Variants in LAMA3 observed in about 807,000 individuals in gnomAD.
LAMA3 encodes the protein laminin subunit alpha 3, also known as laminin subunit alpha-3.
LAMA3 carries 281 observed loss-of-function variants against 402.0 expected under a neutral mutation model. The observed-to-expected ratio is 0.70, with a 90% CI of 0.63 to 0.77. The LOEUF (loss-of-function observed/expected upper bound fraction) is 0.77, where lower values mean the gene tolerates loss of function less well. LAMA3 is among the 30% of genes least tolerant of loss of function. LAMA3 has a pLI of 0.00. For missense variants in LAMA3, 3,840 were observed against 4,215.5 expected (o/e 0.91, Z 2.47); for synonymous variants, 1,431 against 1,558.4 (o/e 0.92, Z 1.93).
Position 23,807,163 on chromosome 18 carries a change from A to T in LAMA3, c.1604-3203A>T, listed in dbSNP as rs562764140. On this transcript the variant is annotated intron_variant, in intron 12 of 74. Coordinates refer to ENST00000313654, the MANE Select transcript of LAMA3 (RefSeq NM_198129.4). ...AACCAATTCCAGAAACCCCCAAACC[A>T]ATTCAGAGAATTTATTCTTAAAATT... 8.5e-5 allele frequency among the ~76,000 whole-genome samples: 13 copies of T among 152,246 alleles called. 2 individuals are homozygous for T. The South Asian group carries it at 2.7e-3, about 32-fold the overall frequency.
At chr18:23,848,854 C>T (rs1004346420) in intron 32 of LAMA3, among the ~76,000 whole-genome samples, 4 of 150,090 alleles carry the variant, frequency 2.7e-5, no homozygotes, top group African/African-American at 9.9e-5. Context: ...TGTTCCATGC[C>T]TTTCTCTTCG....
chr18:23,914,565 C>A lies in LAMA3; in HGVS notation c.7481+4C>A, dbSNP rs769366317. ...TGGATCGGGTGAAATTTCAGAGGTA[C>A]AAGTCTGATTGACTGTACCTGTGCT... On this transcript the variant is annotated splice_donor_region_variant and intron_variant, in intron 57 of 74. Coordinates refer to ENST00000313654, the MANE Select transcript of LAMA3 (RefSeq NM_198129.4). 2 of 1,613,916 alleles carry A rather than the reference C, an allele frequency of 1.2e-6. No homozygotes were observed. Among genetic ancestry groups the A allele is most frequent in the Non-Finnish European group, 1.7e-6 (2 of 1,179,890 alleles).
At chr18:23,713,566 A>G (rs922277122) in intron 1 of LAMA3, among the ~76,000 whole-genome samples, 13 of 152,208 alleles carry the variant, frequency 8.5e-5, no homozygotes, top group Admixed American at 8.5e-4. Context: ...TAATGAGTGA[A>G]GTGGATTTGT....
In LAMA3 at chr18:23,894,940, A is replaced by G. The variant is rs768289943; in HGVS notation, c.5495A>G (p.Asp1832Gly). The change falls in exon 44 of 75, where the codon GAC (aspartate) becomes GGC (glycine). Residue 1832 changes from aspartate to glycine, a missense_variant. Transcript: ENST00000313654. ...AGCTGTGTGATGACCCTCCTGAACG[A>G]CCTGGCCACCATGGGCGAGCAGCTC... ...CDSCVMTLLN[D>G]LATMGEQLRL... The G allele has an allele frequency of 2.2e-5, 36 of 1,614,126 alleles. No homozygotes were observed. Among genetic ancestry groups the G allele is most frequent in the South Asian group, 5.5e-5 (5 of 91,068 alleles).
At position 23,839,124 on chromosome 18, in the gene LAMA3, C is replaced by T. The variant is rs139453753; in HGVS notation, c.3191+246C>T. Among the ~76,000 whole-genome samples the T allele has an allele frequency of 1.4e-3, 212 of 152,324 alleles. No individual in the cohort carries two copies. The highest frequency in any genetic ancestry group is 4.6e-3 in the African/African-American group (193 of 41,576). ...AATGGTTAAGCCTACCCCTGGAGGG[C>T]AGGAACGCTGAGTTCTATTCTGAGC... On this transcript the variant is annotated intron_variant, in intron 26 of 74. Coordinates refer to ENST00000313654, the MANE Select transcript of LAMA3 (RefSeq NM_198129.4). The surrounding 1 kb of genome is among the most constrained non-coding windows in gnomAD (Gnocchi z 4.5).
chr18:23,914,706 A>C lies in LAMA3; in HGVS notation c.7490A>C (p.Gln2497Pro). The change falls in exon 58 of 75, where the codon CAG (glutamine) becomes CCG (proline). Residue 2497 changes from glutamine to proline, a missense_variant. By Grantham distance (76) the Gln-to-Pro change is moderately conservative. This residue lies in a region of LAMA3 where 891 missense variants were observed against 857.5 expected (regional missense o/e 1.04). Transcript: ENST00000313654. Reference sequence around the variant, plus strand: ...AAATTCATTTTAAACAGAATTTATCAGTTTGCAAGGCTTAATTACACCAAA... The same window carrying C: ...AAATTCATTTTAAACAGAATTTATCCGTTTGCAAGGCTTAATTACACCAAA... The part of the protein sequence containing the change: ...MDRVKFQRIY[Q>P]FARLNYTKGA... The C allele has an allele frequency of 6.2e-7, 1 of 1,612,694 alleles. No homozygotes were observed. The highest frequency in any genetic ancestry group is 8.5e-7 in the Non-Finnish European group (1 of 1,178,948).
At chr18:23,848,376 C>G (rs1255180783) in intron 32 of LAMA3, among the ~76,000 whole-genome samples, 1 of 152,096 alleles carries the variant, frequency 6.6e-6, no homozygotes, top group Admixed American at 6.5e-5. Flanking sequence ...AATGTGGAGG[C>G]CGGTGTCACA....
chr18:23,835,225 G>A (rs1180813765), intron 24 of LAMA3, among the ~76,000 whole-genome samples: 1 of 152,098 alleles, frequency 6.6e-6, no homozygotes, highest in Non-Finnish European at 1.5e-5. Flanking sequence ...CCACCAGTTC[G>A]GCTCTCCAGC....
chr18:23,808,597 A>G (rs1289646013), intron 12 of LAMA3, among the ~76,000 whole-genome samples: 1 of 152,238 alleles, frequency 6.6e-6, no homozygotes, highest in Non-Finnish European at 1.5e-5. Context: ...CTGGGTCTGC[A>G]AGTACTTGTG....
intron 12 of LAMA3, chr18:23,796,016 A>G (rs948485480): frequency 2.5e-6 from 1 of 406,774 alleles, no homozygotes; most frequent in Non-Finnish European, 4.8e-6. Context: ...TCCCTCTACC[A>G]TGTGAGGACC....
At chr18:23,793,457 CA>C (rs1158160348) in intron 12 of LAMA3, among the ~76,000 whole-genome samples, 4 of 151,820 alleles carry the variant, frequency 2.6e-5, no homozygotes, top group African/African-American at 9.7e-5. Context: ...GAGAGAGTCA[CA>C]AGCAACAGAA....
intron 2 of LAMA3, among the ~76,000 whole-genome samples, chr18:23,729,975 C>T (rs2061363767): frequency 6.6e-6 from 1 of 152,242 alleles, no homozygotes; most frequent in Non-Finnish European, 1.5e-5. Flanking sequence ...AGGATGCTGT[C>T]ATGATGTTGT....
chr18:23,703,648 TA>T (rs957514198), intron 1 of LAMA3, among the ~76,000 whole-genome samples: 69 of 150,878 alleles, frequency 4.6e-4, no homozygotes, highest in Middle Eastern at 3.4e-3. Context: ...TAATAATAAT[TA>T]AAAAAAAAGG....
intron 2 of LAMA3, among the ~76,000 whole-genome samples, chr18:23,744,556 G>A (rs1391723144): frequency 6.6e-6 from 1 of 152,056 alleles, no homozygotes; most frequent in Admixed American, 6.6e-5. Context: ...ATCTGGCCGG[G>A]CACGGTGGCT....
Position 23,795,028 on chromosome 18 carries a change from T to TA in LAMA3, c.1603+10876dup, listed in dbSNP as rs200275126. On this transcript the variant is annotated intron_variant, in intron 12 of 74. Transcript: ENST00000313654. ...TGTGGCCATGTATCTGGAGCAAAGG[T>TA]AAAAACCAAGCAGTTAGGTCCCCAC... 5.9e-3 allele frequency among the ~76,000 whole-genome samples: 895 copies of TA among 152,118 alleles called. 7 individuals carry two copies. The highest frequency in any genetic ancestry group is 0.02 in the African/African-American group (839 of 41,482).
chr18:23,726,256 C>G (rs1025521675), intron 2 of LAMA3, among the ~76,000 whole-genome samples: 31 of 152,212 alleles, frequency 2.0e-4, no homozygotes, highest in African/African-American at 7.5e-4. Context: ...GTCTCCAGCA[C>G]AGGGTCCCAG....
intron 36 of LAMA3, among the ~76,000 whole-genome samples, chr18:23,867,314 C>T (rs558594886): frequency 8.9e-4 from 136 of 152,074 alleles, no homozygotes; most frequent in Middle Eastern, 6.8e-3. Flanking sequence ...CCCAGCACTG[C>T]GGGAGGCCAA....
intron 20 of LAMA3, among the ~76,000 whole-genome samples, chr18:23,823,108 A>G (rs1477958820): frequency 6.6e-6 from 1 of 152,198 alleles, no homozygotes; most frequent in Non-Finnish European, 1.5e-5. Flanking sequence ...AGAATGGGGG[A>G]AGAAATGATG....
intron 29 of LAMA3, among the ~76,000 whole-genome samples, chr18:23,843,919 A>G (rs907784636): frequency 2.6e-5 from 4 of 151,856 alleles, no homozygotes; most frequent in Admixed American, 2.6e-4. Context: ...CTGTTTCTCT[A>G]CCTGGATAAG....
Sources: gnomAD v4.1 joint callset for allele counts (sites outside exome capture counted in the v4.1 genomes callset) on GRCh38, gnomAD v4.1.1 for gene constraint, gnomAD v4.1.1 regional missense constraint, Gnocchi (gnomAD v3.1) non-coding constraint, MANE v1.5 for transcripts, NCBI Gene and HGNC (gene_info 2026-07-23, HGNC 2026-07-21) for gene names.